TENT2: variants seen among roughly 807,000 people sequenced by gnomAD.
TENT2 encodes poly(A) RNA polymerase GLD2.
TENT2 carries 44 observed loss-of-function variants against 72.2 expected under a neutral mutation model. The ratio of observed to expected loss-of-function variants is 0.61; its 90% CI spans 0.48 to 0.78. The LOEUF is 0.78. Among genes scored for constraint, TENT2 ranks in the 30% least tolerant of loss-of-function variants. The pLI, the probability that TENT2 is intolerant of heterozygous loss-of-function variation, is 0.00. For missense variants in TENT2, 541 were observed against 569.6 expected (o/e 0.95, Z 0.51); for synonymous variants, 212 against 192.5 (o/e 1.10, Z -0.84).
rs1474928618 is a variant in TENT2, at chr5:79,657,005, A to C, written c.1071+4A>C. The C allele has an allele frequency of 6.4e-7, 1 of 1,567,710 alleles. No individual in the cohort carries two copies. The highest frequency in any genetic ancestry group is 2.3e-5 in the East Asian group (1 of 44,410). On this transcript the variant is annotated splice_donor_region_variant and intron_variant, in intron 11 of 14. Transcript: ENST00000453514. ...ATCCCTCCAAAAAATTTACCCAGTA[A>C]GTGTTTCTTATAAATTATTATAATA...
At chr5:79,672,028 G>A (rs1285158408) in intron 12 of TENT2, among the ~76,000 whole-genome samples, 1 of 151,966 alleles carries the variant, frequency 6.6e-6, no homozygotes. Flanking sequence ...GCTTGAACCA[G>A]GGAGGTGGGG....
chr5:79,622,120 G>A lies in TENT2; in HGVS notation c.228-1132G>A, dbSNP rs1476649475. Among the ~76,000 whole-genome samples the A allele has an allele frequency of 2.0e-5, 3 of 152,126 alleles. No individual in the cohort carries two copies. The South Asian group carries it at 6.2e-4, about 31-fold the overall frequency. On this transcript the variant is annotated intron_variant, in intron 3 of 14. Coordinates refer to ENST00000453514, the MANE Select transcript of TENT2 (RefSeq NM_001114394.3). The stretch of plus-strand genomic sequence containing the variant: ...GTTCGAGACCAGCCTGGCCAACATG[G>A]TGAAACCCCATCTCGACTAAAAACA...
intron 6 of TENT2, among the ~76,000 whole-genome samples, chr5:79,642,290 G>C (rs1785070100): frequency 6.6e-6 from 1 of 151,882 alleles, no homozygotes; most frequent in African/African-American, 2.4e-5. Flanking sequence ...ATCATATAAA[G>C]AGAAAGTTTA....
At chr5:79,616,050 G>A (rs1025949882) in intron 1 of TENT2, among the ~76,000 whole-genome samples, 1 of 151,864 alleles carries the variant, frequency 6.6e-6, no homozygotes, top group Non-Finnish European at 1.5e-5. Flanking sequence ...CACCACGCTA[G>A]CTAATTTTGT....
At chr5:79,645,078 T>G in intron 7 of TENT2, 45 bp from the exon 8 acceptor site, 1 of 1,494,470 alleles carries the variant, frequency 6.7e-7, no homozygotes, top group Non-Finnish European at 9.1e-7. Context: ...ACACTGTGAA[T>G]TCTAGAAACA....
At chr5:79,638,600 T>A (rs1456109497) in intron 4 of TENT2, among the ~76,000 whole-genome samples, 1 of 152,122 alleles carries the variant, frequency 6.6e-6, no homozygotes, top group Non-Finnish European at 1.5e-5. Context: ...ATTTGGTGAG[T>A]GAGGGGGAGA....
rs948333704 is a variant in TENT2, at chr5:79,687,112, A to G, written c.*1839A>G. Among the ~76,000 whole-genome samples the G allele has an allele frequency of 8.3e-6, 1 of 120,624 alleles. No homozygotes were observed. Among genetic ancestry groups the G allele is most frequent in the Non-Finnish European group, 1.7e-5 (1 of 59,128 alleles). The allele number at this position is 120,624 out of a possible 152,430, so 79.1% of individuals were successfully genotyped here. On this transcript the variant is annotated 3_prime_UTR_variant, in exon 15 of 15. Coordinates refer to ENST00000453514, the MANE Select transcript of TENT2 (RefSeq NM_001114394.3). ...CACTGTCACTGTTTTCTCAGTTTTC[A>G]GTGGCCCCACACTTACTACTGCTTT...
intron 6 of TENT2, 94 bp downstream of exon 6, chr5:79,641,290 T>G: frequency 9.6e-7 from 1 of 1,042,974 alleles, no homozygotes; most frequent in Non-Finnish European, 1.4e-6. Flanking sequence ...ACTTGCTTTG[T>G]TGTGATTACT....
chr5:79,666,572 T>G (rs1808238344), intron 11 of TENT2, among the ~76,000 whole-genome samples: 1 of 152,004 alleles, frequency 6.6e-6, no homozygotes, highest in Non-Finnish European at 1.5e-5. Context: ...TTCTATTTTT[T>G]TTAGAGATAG....
intron 11 of TENT2, among the ~76,000 whole-genome samples, chr5:79,659,316 C>T (rs1450677137): frequency 2.0e-5 from 3 of 150,996 alleles, no homozygotes; most frequent in Admixed American, 6.6e-5. Flanking sequence ...GGGTGGATCA[C>T]GAGGTCAGGA....
chr5:79,666,209 G>A (rs951743492), intron 11 of TENT2, among the ~76,000 whole-genome samples: 2 of 149,790 alleles, frequency 1.3e-5, no homozygotes, highest in African/African-American at 2.5e-5. Flanking sequence ...GGCTGGTCTC[G>A]AACTCCTGAC....
At chr5:79,622,513 G>C (rs1176428499) in intron 3 of TENT2, among the ~76,000 whole-genome samples, 1 of 152,014 alleles carries the variant, frequency 6.6e-6, no homozygotes, top group African/African-American at 2.4e-5. Flanking sequence ...GTGAATATCT[G>C]TATGCCTTTT....
At chr5:79,669,128 T>A in intron 12 of TENT2, 100 bp downstream of exon 12, 1 of 1,371,622 alleles carries the variant, frequency 7.3e-7, no homozygotes, top group Non-Finnish European at 9.8e-7. Flanking sequence ...GCTACAGATT[T>A]AGTCAGGAGC....
chr5:79,623,272 A>C lies in TENT2; in HGVS notation c.248A>C (p.Asn83Thr), dbSNP rs776408189. 66 of 1,612,402 alleles carry C rather than the reference A, an allele frequency of 4.1e-5. 1 individual carries two copies. In the South Asian group the frequency reaches 6.4e-4, roughly 16 times the overall value. The part of the protein sequence containing the change: ...RGRKRLSDEK[N>T]LPLDGKRQRF... The stretch of plus-strand genomic sequence containing the variant: ...TTCAGGAGATTAAGCGATGAAAAAA[A>C]CCTTCCTCTTGACGGTAAACGGCAA... Residue 83 changes from asparagine to threonine, a missense_variant, in exon 4 of 15, where the codon AAC becomes ACC. Physicochemically the swap from Asn to Thr is moderately conservative, Grantham distance 65 (BLOSUM62 0). Coordinates refer to ENST00000453514, the MANE Select transcript of TENT2 (RefSeq NM_001114394.3).
chr5:79,648,566 T>G (rs1295578109), intron 8 of TENT2, 51 bp from the exon 9 acceptor site: 1 of 1,308,322 alleles, frequency 7.6e-7, no homozygotes, highest in Non-Finnish European at 1.1e-6. Context: ...GAAGGAAGTT[T>G]TTTTGTTCTT....
At chr5:79,660,563 GT>G (rs1802009335) in intron 11 of TENT2, among the ~76,000 whole-genome samples, 1 of 152,082 alleles carries the variant, frequency 6.6e-6, no homozygotes, top group Non-Finnish European at 1.5e-5. Flanking sequence ...GCTCTTCTGT[GT>G]AGTTAAATGT....
At chr5:79,634,279 T>A (rs987363520) in intron 4 of TENT2, among the ~76,000 whole-genome samples, 1 of 152,096 alleles carries the variant, frequency 6.6e-6, no homozygotes, top group Non-Finnish European at 1.5e-5. Context: ...TGAGGACAAG[T>A]TACAATATTT....
At chr5:79,627,096 G>C (rs62365172) in intron 4 of TENT2, among the ~76,000 whole-genome samples, 66,208 of 150,186 alleles carry the variant, frequency 0.44, 17,666 homozygotes, top group African/African-American at 0.75. Context: ...TGCCACTGCC[G>C]TCCAGCCTGG....
chr5:79,619,644 A>T lies in TENT2; in HGVS notation c.-5A>T. ...AATACATGTTCACTTCCAGTGAACA[A>T]GAGCATGTTCCCAAACTCAATTTTG... is the stretch of plus-strand genomic sequence containing the variant. On this transcript the variant is annotated 5_prime_UTR_variant, in exon 2 of 15. The change creates a new upstream start codon in the 5' untranslated region. Transcript: ENST00000453514. The T allele has an allele frequency of 6.2e-7, 1 of 1,609,010 alleles. No homozygotes were observed. The highest frequency in any genetic ancestry group is 8.5e-7 in the Non-Finnish European group (1 of 1,175,624).
Sources: allele counts gnomAD v4.1 joint callset (sites outside exome capture counted in the v4.1 genomes callset), GRCh38; gene constraint gnomAD v4.1.1; transcripts MANE v1.5; gene names NCBI Gene and HGNC (gene_info 2026-07-23, HGNC 2026-07-21).